Variants in SYNPR observed in about 807,000 individuals in gnomAD.
SYNPR encodes synaptoporin.
Under a neutral mutation model 32.9 loss-of-function variants are expected in SYNPR, and 23 were observed. The ratio of observed to expected loss-of-function variants is 0.70; its 90% CI spans 0.50 to 0.99. The LOEUF (loss-of-function observed/expected upper bound fraction) is 0.99. SYNPR is among the 50% of genes least tolerant of loss of function. The pLI is 0.00. For synonymous variants in SYNPR, 146 were observed against 135.9 expected, an observed-to-expected ratio of 1.07 and a Z score of -0.52; for missense variants, 318 against 349.3, an observed-to-expected ratio of 0.91 and a Z score of 0.71.
intron 2 of SYNPR, among the ~76,000 whole-genome samples, chr3:63,255,042 C>T (rs2106893171): frequency 6.6e-6 from 1 of 152,224 alleles, no homozygotes; most frequent in Non-Finnish European, 1.5e-5. Context: ...CATTTCTGTT[C>T]AAGATCACCA....
chr3:63,614,593 A>C (rs1392735070), intron 5 of SYNPR, among the ~76,000 whole-genome samples: 1 of 152,220 alleles, frequency 6.6e-6, no homozygotes, highest in Non-Finnish European at 1.5e-5. Flanking sequence ...TCGAACAGTC[A>C]ACCTCTCAAT....
chr3:63,393,336 G>A (rs1211623846), intron 2 of SYNPR, among the ~76,000 whole-genome samples: 1 of 152,140 alleles, frequency 6.6e-6, no homozygotes, highest in Non-Finnish European at 1.5e-5. Context: ...AGTACAATTA[G>A]TGAATCACAG....
chr3:63,515,582 T>A lies in SYNPR; in HGVS notation c.209+34626T>A, dbSNP rs1348164392. On this transcript the variant is annotated intron_variant, in intron 3 of 5. Coordinates refer to ENST00000478300, the MANE Select transcript of SYNPR (RefSeq NM_001130003.2). ...ACAGAGTTCTTTTCCCTATGTTGCC[T>A]GCTAATGGAAATTGGGGTATATTCA... is the stretch of plus-strand genomic sequence containing the variant. Among the ~76,000 whole-genome samples the A allele has an allele frequency of 4.6e-5, 7 of 152,244 alleles. No individual in the cohort carries two copies. The East Asian group carries it at 1.4e-3, about 29-fold the overall frequency.
chr3:63,323,390 A>C (rs1197343686), intron 2 of SYNPR, among the ~76,000 whole-genome samples: 6 of 152,114 alleles, frequency 3.9e-5, no homozygotes, highest in Non-Finnish European at 7.4e-5. Context: ...AACTGGATGA[A>C]ATTTATTCAA....
chr3:63,564,595 T>C (rs1036730270), intron 4 of SYNPR, among the ~76,000 whole-genome samples: 2 of 152,146 alleles, frequency 1.3e-5, no homozygotes, highest in South Asian at 2.1e-4. Context: ...GAACTCATAA[T>C]CTAAACCACT....
At chr3:63,280,516 A>G (rs967618338) in intron 2 of SYNPR, among the ~76,000 whole-genome samples, 2 of 74,554 alleles carry the variant, frequency 2.7e-5, no homozygotes, top group African/African-American at 6.3e-5. Flanking sequence ...TTCCAAGCCT[A>G]AAAAAAAAAA....
chr3:63,612,708 G>A (rs1048101348), intron 5 of SYNPR, among the ~76,000 whole-genome samples: 1 of 152,142 alleles, frequency 6.6e-6, no homozygotes, highest in Non-Finnish European at 1.5e-5. Flanking sequence ...GAAATGCCTT[G>A]TTTACGTTCT....
At chr3:63,491,393 C>T (rs373742835) in intron 3 of SYNPR, among the ~76,000 whole-genome samples, 76 of 152,160 alleles carry the variant, frequency 5.0e-4, no homozygotes, top group Middle Eastern at 3.4e-3. Context: ...AGGGAAGACA[C>T]CCCTAAGGGT....
intron 2 of SYNPR, among the ~76,000 whole-genome samples, chr3:63,467,802 C>T (rs1460733132): frequency 6.6e-6 from 1 of 152,170 alleles, no homozygotes; most frequent in African/African-American, 2.4e-5. Flanking sequence ...TTCTCCTTTA[C>T]ACAATCCAAA....
At chr3:63,341,599 T>A (rs1193019379) in intron 2 of SYNPR, among the ~76,000 whole-genome samples, 2 of 152,242 alleles carry the variant, frequency 1.3e-5, no homozygotes, top group Non-Finnish European at 2.9e-5. Flanking sequence ...AATTTTCTAA[T>A]GACATTTCAT....
intron 4 of SYNPR, among the ~76,000 whole-genome samples, chr3:63,594,081 T>C (rs1434354660): frequency 6.6e-6 from 1 of 152,216 alleles, no homozygotes; most frequent in African/African-American, 2.4e-5. Flanking sequence ...GATCTTTTCC[T>C]TCTTCATTTG....
At chr3:63,468,994 A>G (rs77585833) in intron 2 of SYNPR, among the ~76,000 whole-genome samples, 2,048 of 151,782 alleles carry the variant, frequency 0.013, 65 homozygotes, top group East Asian at 0.13. Context: ...AATTGATTAT[A>G]GATCAATTTT....
intron 3 of SYNPR, among the ~76,000 whole-genome samples, chr3:63,490,897 G>C (rs1423948398): frequency 2.0e-5 from 3 of 152,076 alleles, no homozygotes; most frequent in Non-Finnish European, 4.4e-5. Context: ...CCAAGTAGCT[G>C]AGATTACAGG....
At chr3:63,570,455 T>C (rs1445324241) in intron 4 of SYNPR, among the ~76,000 whole-genome samples, 32 of 152,208 alleles carry the variant, frequency 2.1e-4, no homozygotes, top group Non-Finnish European at 5.9e-5. Context: ...ATCCCCGGTA[T>C]TCCATGTTTT....
intron 3 of SYNPR, among the ~76,000 whole-genome samples, chr3:63,530,014 T>A (rs968579169): frequency 4.6e-5 from 7 of 152,208 alleles, no homozygotes; most frequent in South Asian, 4.2e-4. Flanking sequence ...AAGGGACACT[T>A]CAGCAAAGTT....
At chr3:63,544,743 G>A (rs1702370526) in intron 3 of SYNPR, among the ~76,000 whole-genome samples, 1 of 151,968 alleles carries the variant, frequency 6.6e-6, no homozygotes, top group African/African-American at 2.4e-5. Context: ...ATCAACTTTA[G>A]TAATCAGACT....
chr3:63,417,203 G>C (rs1242902128), intron 2 of SYNPR, among the ~76,000 whole-genome samples: 2 of 152,176 alleles, frequency 1.3e-5, no homozygotes, highest in Non-Finnish European at 2.9e-5. Flanking sequence ...CAAAGAAAGG[G>C]GCCAGAGGCC....
At chr3:63,283,393 A>G (rs1419610906) in intron 2 of SYNPR, among the ~76,000 whole-genome samples, 2 of 152,142 alleles carry the variant, frequency 1.3e-5, no homozygotes, top group Non-Finnish European at 2.9e-5. Flanking sequence ...CTTAATCTCT[A>G]CTTAAATGAG....
chr3:63,451,498 C>T (rs558706181), intron 2 of SYNPR, among the ~76,000 whole-genome samples: 1 of 152,254 alleles, frequency 6.6e-6, no homozygotes, highest in African/African-American at 2.4e-5. Context: ...CTATGATTAG[C>T]TCATCTTAGT....
Sources: allele counts gnomAD v4.1 joint callset (sites outside exome capture counted in the v4.1 genomes callset), GRCh38; gene constraint gnomAD v4.1.1; transcripts MANE v1.5; gene names NCBI Gene and HGNC (gene_info 2026-07-23, HGNC 2026-07-21).